The following MAGI2 variants were observed in gnomAD, a reference collection of about 807,000 sequenced individuals.
The protein encoded by MAGI2 is membrane associated guanylate kinase, WW and PDZ domain containing 2, also known as membrane-associated guanylate kinase, WW and PDZ domain-containing protein 2.
MAGI2 carries 35 observed loss-of-function variants against 133.3 expected under a neutral mutation model. The ratio of observed to expected loss-of-function variants is 0.26; its 90% CI spans 0.20 to 0.35. The LOEUF (loss-of-function observed/expected upper bound fraction) is 0.35. MAGI2 is among the 10% of genes least tolerant of loss of function. The pLI, the probability that MAGI2 is intolerant of heterozygous loss-of-function variation, is 1.00. For synonymous variants in MAGI2, 729 were observed against 710.6 expected (o/e 1.03, Z -0.41); for missense variants, 1,636 against 1,863.4 (o/e 0.88, Z 2.25).
Position 79,307,006 on chromosome 7 carries a change from T to C in MAGI2, c.301+146014A>G, listed in dbSNP as rs542825625. 7.9e-5 allele frequency among the ~76,000 whole-genome samples: 12 copies of C among 152,232 alleles called. No homozygotes were observed. In the East Asian group the frequency reaches 2.1e-3, roughly 27 times the overall value. The stretch of plus-strand genomic sequence containing the variant: ...TTTCTTTTTCTTTTTCTTTTTTGTA[T>C]TTTTACTGCTCTATGCTTAAATTTT... On this transcript the variant is annotated intron_variant, in intron 1 of 21. Coordinates refer to ENST00000354212, the MANE Select transcript of MAGI2 (RefSeq NM_012301.4).
chr7:78,342,050 C>T (rs1790434699), intron 9 of MAGI2, among the ~76,000 whole-genome samples: 2 of 151,884 alleles, frequency 1.3e-5, no homozygotes, highest in South Asian at 2.1e-4. Context: ...AAAGTTTTTG[C>T]AATCTACCCA....
chr7:78,713,693 C>T lies in MAGI2; in HGVS notation c.419-86454G>A, dbSNP rs570060999. On this transcript the variant is annotated intron_variant, in intron 2 of 21. Coordinates refer to ENST00000354212, the MANE Select transcript of MAGI2 (RefSeq NM_012301.4). The stretch of plus-strand genomic sequence containing the variant: ...CAGAGCTGTCATACACAAATAAATA[C>T]AAAATCTACTCTTACTTGCTTTCCT... Among the ~76,000 whole-genome samples, 22 of 152,194 alleles carry T rather than the reference C, an allele frequency of 1.4e-4. No homozygotes were observed. The East Asian group carries it at 4.3e-3, about 29-fold the overall frequency.
At chr7:78,062,619 T>C (rs373995675) in intron 21 of MAGI2, among the ~76,000 whole-genome samples, 37 of 152,302 alleles carry the variant, frequency 2.4e-4, no homozygotes, top group African/African-American at 8.2e-4. Flanking sequence ...CCCTGTCCAA[T>C]GTGGCTTTGT....
chr7:78,068,486 C>T (rs1814091326), intron 21 of MAGI2, among the ~76,000 whole-genome samples: 1 of 151,818 alleles, frequency 6.6e-6, no homozygotes. Context: ...CAAATGCACA[C>T]TGTGGTGGGG....
At chr7:79,078,299 T>C (rs571625761) in intron 1 of MAGI2, among the ~76,000 whole-genome samples, 2 of 11,260 alleles carry the variant, frequency 1.8e-4, no homozygotes, top group Non-Finnish European at 7.7e-4. Flanking sequence ...CATAGGTGGT[T>C]TTTTTTTTAG....
At chr7:78,686,318 C>T (rs939880311) in intron 2 of MAGI2, among the ~76,000 whole-genome samples, 7 of 152,132 alleles carry the variant, frequency 4.6e-5, no homozygotes, top group African/African-American at 1.7e-4. Context: ...TCTGACAACT[C>T]CAAATGGCTT....
At chr7:78,023,037 AT>A (rs898626041) in intron 21 of MAGI2, among the ~76,000 whole-genome samples, 5 of 152,176 alleles carry the variant, frequency 3.3e-5, no homozygotes, top group African/African-American at 1.2e-4. Flanking sequence ...GAATATTTTC[AT>A]TTTTCTGCAC....
At chr7:78,280,853 CAAAAAAA>C (rs36097343) in intron 9 of MAGI2, among the ~76,000 whole-genome samples, 14 of 108,070 alleles carry the variant, frequency 1.3e-4, no homozygotes, top group South Asian at 1.0e-3. Context: ...GATGGGTATA[CAAAAAAA>C]AAAAAAAAAA....
intron 10 of MAGI2, among the ~76,000 whole-genome samples, chr7:78,210,811 A>G (rs1160967173): frequency 6.6e-6 from 1 of 152,222 alleles, no homozygotes; most frequent in Non-Finnish European, 1.5e-5. Context: ...TTCATAATAC[A>G]AGACTTTTTA....
At chr7:78,469,149 T>C (rs1035533137) in intron 6 of MAGI2, among the ~76,000 whole-genome samples, 8 of 152,182 alleles carry the variant, frequency 5.3e-5, no homozygotes, top group Admixed American at 2.0e-4. Context: ...CAAATATGTA[T>C]ACTCTCTGTA....
chr7:78,285,756 T>G (rs986878529), intron 9 of MAGI2: 3 of 152,072 alleles, frequency 2.0e-5, no homozygotes, highest in Admixed American at 6.6e-5. Flanking sequence ...CTGCGTGGGG[T>G]CCAAGATTCT....
At chr7:78,663,200 CTCT>C (rs758132353) in intron 2 of MAGI2, among the ~76,000 whole-genome samples, 3 of 139,684 alleles carry the variant, frequency 2.1e-5, no homozygotes, top group Non-Finnish European at 3.0e-5. Context: ...TTTGTACCAA[CTCT>C]TTTTTTTTTT....
intron 1 of MAGI2, among the ~76,000 whole-genome samples, chr7:79,038,428 C>A (rs1388684514): frequency 6.6e-6 from 1 of 151,908 alleles, no homozygotes; most frequent in Non-Finnish European, 1.5e-5. Context: ...TAATTTTGTA[C>A]CCTTTTTTAT....
At chr7:78,102,439 C>T (rs925674122) in intron 20 of MAGI2, among the ~76,000 whole-genome samples, 2 of 152,160 alleles carry the variant, frequency 1.3e-5, no homozygotes, top group African/African-American at 2.4e-5. Flanking sequence ...GGCACACTTA[C>T]GTCAAAATAT....
intron 2 of MAGI2, among the ~76,000 whole-genome samples, chr7:78,784,942 T>TG (rs1826688672): frequency 5.3e-5 from 8 of 151,552 alleles, no homozygotes; most frequent in African/African-American, 2.0e-4. Flanking sequence ...AGCTTAGAAC[T>TG]ATTTTTTTGC....
At chr7:79,272,613 C>G (rs1834955997) in intron 1 of MAGI2, among the ~76,000 whole-genome samples, 1 of 151,872 alleles carries the variant, frequency 6.6e-6, no homozygotes, top group African/African-American at 2.4e-5. Context: ...TGCACTGAGC[C>G]CTCTTTAACA....
At chr7:78,589,110 C>A (rs1339318917) in intron 3 of MAGI2, among the ~76,000 whole-genome samples, 1 of 152,124 alleles carries the variant, frequency 6.6e-6, no homozygotes, top group Non-Finnish European at 1.5e-5. Flanking sequence ...TATCACAGAG[C>A]TGTTTCCTGA....
At chr7:78,461,885 G>A (rs1298412785) in intron 6 of MAGI2, among the ~76,000 whole-genome samples, 6 of 115,526 alleles carry the variant, frequency 5.2e-5, no homozygotes, top group South Asian at 2.8e-4. Flanking sequence ...CACTCTAGCC[G>A]GGGCAACAAG....
At chr7:78,926,590 C>A (rs1487706165) in intron 2 of MAGI2, among the ~76,000 whole-genome samples, 1 of 151,934 alleles carries the variant, frequency 6.6e-6, no homozygotes, top group African/African-American at 2.4e-5. Flanking sequence ...TGCCCAAGAA[C>A]CTCGTTAAAT....
Sources: allele counts gnomAD v4.1 joint callset (sites outside exome capture counted in the v4.1 genomes callset), GRCh38; gene constraint gnomAD v4.1.1; transcripts MANE v1.5; gene names NCBI Gene and HGNC (gene_info 2026-07-23, HGNC 2026-07-21).